The following KPNA1 variants were observed in gnomAD, a reference collection of about 807,000 sequenced individuals.
KPNA1 encodes karyopherin subunit alpha 1.
Under a neutral mutation model 70.5 loss-of-function variants are expected in KPNA1, and 10 were observed. The ratio of observed to expected loss-of-function variants is 0.14; its 90% CI spans 0.09 to 0.24. KPNA1 has a LOEUF of 0.24. KPNA1 is among the 10% of genes least tolerant of loss of function. The pLI is 1.00. For missense variants in KPNA1, 397 were observed against 637.9 expected, an observed-to-expected ratio of 0.62 and a Z score of 4.07; for synonymous variants, 192 against 221.9, an observed-to-expected ratio of 0.87 and a Z score of 1.20.
intron 1 of KPNA1, among the ~76,000 whole-genome samples, chr3:122,507,662 T>C (rs1169017369): frequency 6.6e-6 from 1 of 151,812 alleles, no homozygotes; most frequent in Non-Finnish European, 1.5e-5. Context: ...TTCAACTGAG[T>C]ATGCTGTTAT....
intron 2 of KPNA1, among the ~76,000 whole-genome samples, chr3:122,493,579 A>G (rs1230648066): frequency 6.6e-6 from 1 of 152,212 alleles, no homozygotes; most frequent in Non-Finnish European, 1.5e-5. Context: ...CAGCAGAACA[A>G]GGGCACGGTT....
intron 9 of KPNA1, among the ~76,000 whole-genome samples, chr3:122,446,541 A>G (rs2076140855): frequency 1.3e-5 from 2 of 152,262 alleles, no homozygotes; most frequent in Non-Finnish European, 2.9e-5. Flanking sequence ...AGGGAAATTT[A>G]TAGCACTAAA....
chr3:122,450,831 T>C (rs1475373504), intron 8 of KPNA1, among the ~76,000 whole-genome samples: 2 of 152,144 alleles, frequency 1.3e-5, no homozygotes, highest in African/African-American at 2.4e-5. Flanking sequence ...CAATTCACAA[T>C]TGCAAACACA....
intron 1 of KPNA1, among the ~76,000 whole-genome samples, chr3:122,500,659 T>C (rs979888149): frequency 3.3e-5 from 5 of 151,714 alleles, no homozygotes; most frequent in African/African-American, 1.2e-4. Context: ...CAGATTATTA[T>C]TATATATTGG....
chr3:122,509,027 C>CT (rs1045409335), intron 1 of KPNA1, among the ~76,000 whole-genome samples: 8 of 152,236 alleles, frequency 5.3e-5, no homozygotes, highest in Admixed American at 5.2e-4. Flanking sequence ...GGGTGGATCA[C>CT]TTGAGGTCAG....
chr3:122,484,955 G>A (rs1266383099), intron 2 of KPNA1, among the ~76,000 whole-genome samples: 1 of 151,988 alleles, frequency 6.6e-6, no homozygotes, highest in African/African-American at 2.4e-5. Context: ...TGGAGTGCAG[G>A]GGCACAATCA....
intron 2 of KPNA1, among the ~76,000 whole-genome samples, chr3:122,478,529 C>A (rs1273433661): frequency 6.7e-6 from 1 of 149,976 alleles, no homozygotes; most frequent in East Asian, 1.9e-4. Context: ...GACCACCAGC[C>A]TGGACAACAT....
chr3:122,451,883 A>G (rs374247490), intron 7 of KPNA1, 93 bp downstream of exon 7: 3 of 866,604 alleles, frequency 3.5e-6, no homozygotes, highest in East Asian at 5.0e-5. Flanking sequence ...AGAAAATCCA[A>G]AATGATTTCC....
At position 122,496,419 on chromosome 3, in the gene KPNA1, T is replaced by C. The variant is rs746500819; in HGVS notation, c.129+18A>G. ...CATTAAATTCTTTAAAAGAAATGAA[T>C]AAAGGTAAAGGATTTACCTGCTCTT... On this transcript the variant is annotated intron_variant, in intron 2 of 13. Transcript: ENST00000344337. The C allele has an allele frequency of 2.2e-5, 36 of 1,605,994 alleles. No individual in the cohort carries two copies. In the African/African-American group the frequency reaches 4.3e-4, roughly 19 times the overall value.
chr3:122,448,988 T>C (rs182016448), intron 9 of KPNA1, among the ~76,000 whole-genome samples: 4 of 152,368 alleles, frequency 2.6e-5, no homozygotes, highest in African/African-American at 4.8e-5. Flanking sequence ...AATGTCATGT[T>C]TGCGACAATG....
At chr3:122,449,525 C>A in intron 9 of KPNA1, 49 bp downstream of exon 9, 3 of 1,470,970 alleles carry the variant, frequency 2.0e-6, no homozygotes, top group Non-Finnish European at 2.8e-6. Flanking sequence ...AGCTAGAAAA[C>A]TAGTACCAAG....
intron 1 of KPNA1, among the ~76,000 whole-genome samples, chr3:122,502,434 G>T (rs1007837070): frequency 6.6e-6 from 1 of 152,216 alleles, no homozygotes; most frequent in Non-Finnish European, 1.5e-5. Flanking sequence ...GAGAGATACA[G>T]AGAAAGGCTA....
intron 2 of KPNA1, among the ~76,000 whole-genome samples, chr3:122,481,368 C>T (rs908655088): frequency 2.0e-5 from 3 of 152,184 alleles, no homozygotes; most frequent in African/African-American, 7.2e-5. Flanking sequence ...ATACATGTTA[C>T]AACATGGATC....
At chr3:122,481,995 A>C (rs2107481198) in intron 2 of KPNA1, among the ~76,000 whole-genome samples, 1 of 152,356 alleles carries the variant, frequency 6.6e-6, no homozygotes, top group Admixed American at 6.5e-5. Context: ...GAACATACAT[A>C]GAAATAAAAA....
intron 9 of KPNA1, among the ~76,000 whole-genome samples, chr3:122,445,029 G>C (rs2076117827): frequency 1.3e-5 from 2 of 152,190 alleles, no homozygotes; most frequent in Non-Finnish European, 1.5e-5. Flanking sequence ...GCCAGCAACA[G>C]AACAAAGCTG....
Position 122,464,041 on chromosome 3 carries a change from C to A in KPNA1, c.238G>T (p.Gly80Cys). ...AQISNMEMAP[G>C]GVITSDMIEM... Reference sequence around the variant, plus strand: ...ATCATGTCAGAAGTGATGACACCACCCTGCGATCACAAACAAAAAGAACAT... The same window carrying A: ...ATCATGTCAGAAGTGATGACACCACACTGCGATCACAAACAAAAAGAACAT... The change falls in exon 4 of 14, where the codon GGT becomes TGT. Residue 80 changes from glycine (G) to cysteine (C), a missense_variant and splice_region_variant. Transcript: ENST00000344337. The A allele has an allele frequency of 6.5e-7, 1 of 1,530,432 alleles. No homozygotes were observed. The highest frequency in any genetic ancestry group is 8.9e-7 in the Non-Finnish European group (1 of 1,122,408). 94.8% of individuals were successfully genotyped at this position (1,530,432 alleles called of 1,614,324 possible). A position where few individuals can be genotyped will look rare whatever the true frequency, so the allele number is the denominator to read the frequency against.
At chr3:122,491,720 C>A (rs1165766072) in intron 2 of KPNA1, among the ~76,000 whole-genome samples, 1 of 152,010 alleles carries the variant, frequency 6.6e-6, no homozygotes, top group Non-Finnish European at 1.5e-5. Flanking sequence ...ATGAAATAAT[C>A]CCAAAAAGGT....
At chr3:122,433,918 GT>G (rs2075949745) in intron 11 of KPNA1, 130 bp from the exon 12 acceptor site, 4 of 722,472 alleles carry the variant, frequency 5.5e-6, no homozygotes, top group African/African-American at 5.5e-5. Flanking sequence ...ATTGAAAAGA[GT>G]TATGTCATTA....
intron 2 of KPNA1, 77 bp downstream of exon 2, chr3:122,496,360 C>G: frequency 9.1e-7 from 1 of 1,103,832 alleles, no homozygotes. Context: ...CCCAACTTTG[C>G]TAAAATGAAG....
Sources: gnomAD v4.1 joint callset for allele counts (sites outside exome capture counted in the v4.1 genomes callset) on GRCh38, gnomAD v4.1.1 for gene constraint, MANE v1.5 for transcripts, NCBI Gene and HGNC (gene_info 2026-07-23, HGNC 2026-07-21) for gene names.